Variants in ACYP2 observed in about 807,000 individuals in gnomAD.
The protein encoded by ACYP2 is acylphosphatase 2.
Under a neutral mutation model 11.2 loss-of-function variants are expected in ACYP2, and 12 were observed. That is an observed-to-expected ratio of 1.08 (90% CI 0.69 to 1.74). ACYP2 has a LOEUF of 1.74. Among genes scored for constraint, ACYP2 ranks in the 40% most tolerant of loss-of-function variants. The probability of loss-of-function intolerance (pLI) is 0.00; values close to 1 mark genes in which losing one functional copy is unlikely to be tolerated. For missense variants in ACYP2, 134 were observed against 101.9 expected (o/e 1.31, Z -1.35); for synonymous variants, 43 against 32.2 (o/e 1.33, Z -1.13).
At chr2:54,058,908 G>GT (rs922421041) in intron 4 of ACYP2, among the ~76,000 whole-genome samples, 2 of 152,102 alleles carry the variant, frequency 1.3e-5, no homozygotes, top group Non-Finnish European at 2.9e-5. Flanking sequence ...CCAGATGGGG[G>GT]TTATCTCAAG....
intron 4 of ACYP2, among the ~76,000 whole-genome samples, chr2:54,130,127 T>A (rs533024512): frequency 1.3e-5 from 2 of 152,192 alleles, no homozygotes; most frequent in South Asian, 4.1e-4. Context: ...AGATAGGAAA[T>A]CAAAAAGTAA....
intron 6 of ACYP2, among the ~76,000 whole-genome samples, chr2:54,261,124 T>G (rs999307426): frequency 6.6e-6 from 1 of 152,182 alleles, no homozygotes; most frequent in Non-Finnish European, 1.5e-5. Context: ...TTAGGAAACA[T>G]GTATTTTTTA....
chr2:54,250,650 G>C (rs558046472), intron 6 of ACYP2, among the ~76,000 whole-genome samples: 61 of 152,322 alleles, frequency 4.0e-4, no homozygotes, highest in South Asian at 8.3e-4. Flanking sequence ...TTCAAAGGCG[G>C]TAAGTTAATC....
chr2:54,201,341 G>T (rs953616199), intron 6 of ACYP2, among the ~76,000 whole-genome samples: 1 of 152,012 alleles, frequency 6.6e-6, no homozygotes, highest in East Asian at 1.9e-4. Context: ...TCCTGACCTC[G>T]TGATCCACCT....
chr2:54,249,281 T>C (rs1324306045), intron 6 of ACYP2, among the ~76,000 whole-genome samples: 1 of 152,090 alleles, frequency 6.6e-6, no homozygotes, highest in African/African-American at 2.4e-5. Context: ...GGAACAATTC[T>C]GGAAGCATTG....
intron 2 of ACYP2, among the ~76,000 whole-genome samples, chr2:53,981,633 T>C (rs1671767852): frequency 6.6e-6 from 1 of 152,350 alleles, no homozygotes; most frequent in South Asian, 2.1e-4. Flanking sequence ...GGGAGTGGCC[T>C]CTGGTCCTTT....
At chr2:54,163,432 C>T (rs1194624610) in intron 6 of ACYP2, among the ~76,000 whole-genome samples, 1 of 152,146 alleles carries the variant, frequency 6.6e-6, no homozygotes, top group Non-Finnish European at 1.5e-5. Context: ...CAGCAGTGGA[C>T]ACCCTTGAAA....
intron 2 of ACYP2, among the ~76,000 whole-genome samples, chr2:54,008,637 G>A (rs376003147): frequency 1.3e-5 from 2 of 152,138 alleles, no homozygotes; most frequent in Admixed American, 1.3e-4. Flanking sequence ...TGGGACTATA[G>A]GGCACATTCC....
In ACYP2 at chr2:54,215,555, ACTTACTATGATAC is replaced by A. The variant is rs1370720141; in HGVS notation, c.404+76809_404+76821del. Among the ~76,000 whole-genome samples, 60 of 152,326 alleles carry A rather than the reference ACTTACTATGATAC, an allele frequency of 3.9e-4. 1 individual carries two copies. The highest frequency in any genetic ancestry group is 3.7e-3 in the Admixed American group (56 of 15,298). Reference sequence around the variant, plus strand: ...ATATAGATTAAATCAAAAGAAAAATACTTACTATGATACCATGATACCATCTTGTAGATAGCTG... The same window carrying A: ...ATATAGATTAAATCAAAAGAAAAATACATGATACCATCTTGTAGATAGCTG... On this transcript the variant is annotated intron_variant, in intron 6 of 6. Coordinates refer to ENST00000607452, the MANE Select transcript of ACYP2 (RefSeq NM_001320586.2).
intron 4 of ACYP2, among the ~76,000 whole-genome samples, chr2:54,068,062 C>T (rs1572684137): frequency 6.6e-6 from 1 of 152,146 alleles, no homozygotes; most frequent in South Asian, 2.1e-4. Context: ...TGGAGTGGGT[C>T]ACTGATAAGC....
chr2:54,197,311 T>G (rs1315151629), intron 6 of ACYP2, among the ~76,000 whole-genome samples: 1 of 152,148 alleles, frequency 6.6e-6, no homozygotes, highest in East Asian at 1.9e-4. Flanking sequence ...CATCTCAGAA[T>G]TAGTTCTCTC....
chr2:54,276,377 A>T (rs966996708), intron 6 of ACYP2, among the ~76,000 whole-genome samples: 25 of 152,120 alleles, frequency 1.6e-4, no homozygotes, highest in African/African-American at 5.3e-4. Context: ...AATAGTTGTC[A>T]ATGTTATAAC....
At chr2:54,121,274 T>C (rs1680141036) in intron 4 of ACYP2, among the ~76,000 whole-genome samples, 3 of 152,068 alleles carry the variant, frequency 2.0e-5, no homozygotes, top group Non-Finnish European at 4.4e-5. Context: ...TCTGGGGTTT[T>C]TATGGGCTCA....
At chr2:54,262,644 G>A (rs1017573538) in intron 6 of ACYP2, among the ~76,000 whole-genome samples, 15 of 151,874 alleles carry the variant, frequency 9.9e-5, no homozygotes, top group African/African-American at 3.4e-4. Context: ...GTGGCAGAGA[G>A]GTGAACAGAG....
intron 2 of ACYP2, among the ~76,000 whole-genome samples, chr2:53,979,556 G>A (rs1265328860): frequency 2.0e-5 from 3 of 151,616 alleles, no homozygotes; most frequent in African/African-American, 7.3e-5. Context: ...GAACTCGGGA[G>A]GTGGAGGTTG....
At chr2:54,284,842 G>T (rs145665145) in intron 6 of ACYP2, among the ~76,000 whole-genome samples, 7 of 152,160 alleles carry the variant, frequency 4.6e-5, no homozygotes, top group African/African-American at 1.7e-4. Context: ...GCCAAATCCA[G>T]TGATCAGTTC....
At chr2:54,068,238 C>T (rs542824966) in intron 4 of ACYP2, among the ~76,000 whole-genome samples, 4 of 152,132 alleles carry the variant, frequency 2.6e-5, no homozygotes, top group Non-Finnish European at 5.9e-5. Context: ...TTGTACAGTC[C>T]TATCCATTTG....
chr2:54,180,743 A>T (rs1308800409), intron 6 of ACYP2, among the ~76,000 whole-genome samples: 1 of 151,966 alleles, frequency 6.6e-6, no homozygotes, highest in East Asian at 1.9e-4. Context: ...TTTTGTAGAG[A>T]TGGGATTTTG....
At chr2:54,218,058 T>C (rs1685630785) in intron 6 of ACYP2, among the ~76,000 whole-genome samples, 1 of 152,248 alleles carries the variant, frequency 6.6e-6, no homozygotes, top group African/African-American at 2.4e-5. Flanking sequence ...TCCCTCATTC[T>C]ACCCCCATTC....
Sources: gnomAD v4.1 joint callset for allele counts (sites outside exome capture counted in the v4.1 genomes callset) on GRCh38, gnomAD v4.1.1 for gene constraint, MANE v1.5 for transcripts, NCBI Gene and HGNC (gene_info 2026-07-23, HGNC 2026-07-21) for gene names.